The following MSI2 variants were observed in gnomAD, a reference collection of about 807,000 sequenced individuals.
MSI2 encodes the protein musashi RNA binding protein 2.
A neutral mutation model predicts 45.6 loss-of-function variants in MSI2; 17 were observed. That is an observed-to-expected ratio of 0.37 (90% CI 0.26 to 0.56). The LOEUF is 0.56. MSI2 is among the 20% of genes least tolerant of loss of function. The probability of loss-of-function intolerance (pLI) is 0.77; values close to 1 mark genes in which losing one functional copy is unlikely to be tolerated. For missense variants in MSI2, 293 were observed against 444.2 expected (o/e 0.66, Z 3.06); for synonymous variants, 156 against 158.2 (o/e 0.99, Z 0.11).
chr17:57,365,417 G>A (rs915704509), intron 5 of MSI2, among the ~76,000 whole-genome samples: 4 of 152,194 alleles, frequency 2.6e-5, no homozygotes, highest in Non-Finnish European at 5.9e-5. Context: ...AAGTTCAGTG[G>A]TGAAGGAAGA....
At chr17:57,486,780 T>C (rs2085762696) in intron 6 of MSI2, among the ~76,000 whole-genome samples, 1 of 152,180 alleles carries the variant, frequency 6.6e-6, no homozygotes, top group Non-Finnish European at 1.5e-5. Context: ...CCTTAGACTT[T>C]TTAGTGTTGT....
chr17:57,339,884 C>T (rs1420129603), intron 5 of MSI2, among the ~76,000 whole-genome samples: 3 of 152,162 alleles, frequency 2.0e-5, no homozygotes, highest in Non-Finnish European at 4.4e-5. Flanking sequence ...ATTTTCCCAG[C>T]TGAGATGGAT....
chr17:57,492,601 T>G (rs2143815312), intron 6 of MSI2, among the ~76,000 whole-genome samples: 1 of 145,356 alleles, frequency 6.9e-6, no homozygotes, highest in African/African-American at 2.4e-5. Flanking sequence ...TCCATTTGGG[T>G]TCTCAGTTTT....
At chr17:57,449,381 C>T (rs1023581153) in intron 6 of MSI2, 3 of 152,108 alleles carry the variant, frequency 2.0e-5, no homozygotes, top group African/African-American at 7.2e-5. Context: ...ACTGGGATTG[C>T]TAGAATTTGT....
intron 7 of MSI2, among the ~76,000 whole-genome samples, chr17:57,536,666 C>T (rs545440101): frequency 4.1e-4 from 62 of 152,352 alleles, no homozygotes; most frequent in Non-Finnish European, 6.5e-4. Context: ...TGTAAACCAA[C>T]AGTTGGTCAC....
chr17:57,675,210 A>T, intron 12 of MSI2, 84 bp downstream of exon 12: 1 of 1,371,386 alleles, frequency 7.3e-7, no homozygotes, highest in Non-Finnish European at 1.0e-6. Flanking sequence ...GGAAAGCCCA[A>T]CATCGGGGGC....
Position 57,257,441 on chromosome 17 carries a change from C to A in MSI2, c.104-25C>A, listed in dbSNP as rs202189187. 4.6e-3 allele frequency: 5,698 copies of A among 1,228,504 alleles called. 160 individuals are homozygous for A. Among genetic ancestry groups the A allele is most frequent in the South Asian group, 0.045 (3,503 of 77,390 alleles). The allele number at this position is 1,228,504 out of a possible 1,614,324, so 76.1% of individuals were successfully genotyped here. ...TTTTCCACACCTTCTCTCCCCCCCC[C>A]ATCTCTCTCTTTCTCTCTCTACAGA... On this transcript the variant is annotated intron_variant, in intron 2 of 13. Coordinates refer to ENST00000284073, the MANE Select transcript of MSI2 (RefSeq NM_138962.4).
chr17:57,370,037 C>T (rs1166830406), intron 5 of MSI2, among the ~76,000 whole-genome samples: 1 of 152,218 alleles, frequency 6.6e-6, no homozygotes, highest in African/African-American at 2.4e-5. Context: ...AAATCAAACA[C>T]CTTAAAACAC....
intron 7 of MSI2, among the ~76,000 whole-genome samples, chr17:57,559,338 C>G (rs1023298411): frequency 6.6e-6 from 1 of 152,170 alleles, no homozygotes; most frequent in Non-Finnish European, 1.5e-5. Flanking sequence ...TTTATCAGCT[C>G]CCCCTCTCTC....
rs997989043 is a variant in MSI2 at position 57,529,070 on chromosome 17, A to G, written c.406-606A>G. 6.6e-6 allele frequency among the ~76,000 whole-genome samples: 1 copy of G among 152,238 alleles called. No individual in the cohort carries two copies. The highest frequency in any genetic ancestry group is 1.5e-5 in the Non-Finnish European group (1 of 68,042). ...CATATTGTAATGTTACAGGTTAACA[A>G]AAGGACAAATTCCATATACTATATG... On this transcript the variant is annotated intron_variant, in intron 6 of 13. Coordinates refer to ENST00000284073, the MANE Select transcript of MSI2 (RefSeq NM_138962.4). The surrounding 1 kb of genome is among the most constrained non-coding windows in gnomAD (Gnocchi z 5.3).
At chr17:57,507,001 T>C (rs947722178) in intron 6 of MSI2, among the ~76,000 whole-genome samples, 1 of 152,114 alleles carries the variant, frequency 6.6e-6, no homozygotes, top group Non-Finnish European at 1.5e-5. Flanking sequence ...ATCTTAAAGA[T>C]GCTAATTTTG....
chr17:57,464,502 C>A (rs1329044295), intron 6 of MSI2, among the ~76,000 whole-genome samples: 1 of 152,170 alleles, frequency 6.6e-6, no homozygotes, highest in African/African-American at 2.4e-5. Flanking sequence ...GGCCACCTTT[C>A]TGGAAGGGTC....
intron 5 of MSI2, among the ~76,000 whole-genome samples, chr17:57,347,021 A>T (rs1412017204): frequency 6.6e-6 from 1 of 152,218 alleles, no homozygotes; most frequent in Non-Finnish European, 1.5e-5. Context: ...TATCTTTAAG[A>T]TAATGCCTTA....
chr17:57,399,387 T>A (rs1189487354), intron 5 of MSI2, among the ~76,000 whole-genome samples: 1 of 152,214 alleles, frequency 6.6e-6, no homozygotes, highest in Non-Finnish European at 1.5e-5. Flanking sequence ...TAATGTCCTC[T>A]TAAAACACTG....
intron 11 of MSI2, among the ~76,000 whole-genome samples, chr17:57,669,770 C>T (rs57596967): frequency 0.012 from 1,789 of 152,276 alleles, 35 homozygotes; most frequent in African/African-American, 0.041. Flanking sequence ...ACCAGTCAGC[C>T]CAAATCCCTT....
Position 57,615,999 on chromosome 17 carries a change from A to G in MSI2, c.567A>G (p.Glu189=). Residue 189 remains glutamate (E), a synonymous_variant, in exon 9 of 14, where the codon GAA becomes GAG. Coordinates refer to ENST00000284073, the MANE Select transcript of MSI2 (RefSeq NM_138962.4). ...AATGTAAGAAAGCTCAGCCGAAAGAAGTCATGTTCCCACCTGGGACAAGAG... is the reference window on the plus strand; with the variant it reads ...AATGTAAGAAAGCTCAGCCGAAAGAGGTCATGTTCCCACCTGGGACAAGAG... ...MVECKKAQPK[E]VMFPPGTRGR... 6.2e-7 allele frequency: 1 copy of G among 1,614,184 alleles called. No individual in the cohort carries two copies. Among genetic ancestry groups the G allele is most frequent in the Non-Finnish European group, 8.5e-7 (1 of 1,180,002 alleles).
chr17:57,263,626 A>G (rs1338730407), intron 5 of MSI2: 1 of 152,196 alleles, frequency 6.6e-6, no homozygotes, highest in Non-Finnish European at 1.5e-5. Context: ...GAAGCTGGAA[A>G]AATCCCTTAC....
intron 10 of MSI2, among the ~76,000 whole-genome samples, chr17:57,643,508 C>T (rs1910411452): frequency 6.6e-6 from 1 of 152,228 alleles, no homozygotes. Context: ...TGAGTGCTTC[C>T]CAGTTGCAGG....
At chr17:57,394,488 C>T (rs755471410) in intron 5 of MSI2, among the ~76,000 whole-genome samples, 3 of 152,224 alleles carry the variant, frequency 2.0e-5, no homozygotes, top group Non-Finnish European at 2.9e-5. Context: ...GAAGCAGACA[C>T]ACCAGTAAAA....
Sources: allele counts gnomAD v4.1 joint callset (sites outside exome capture counted in the v4.1 genomes callset), GRCh38; gene constraint gnomAD v4.1.1; non-coding constraint Gnocchi (gnomAD v3.1); transcripts MANE v1.5; gene names NCBI Gene and HGNC (gene_info 2026-07-23, HGNC 2026-07-21).